Variants in DPF3 observed in about 807,000 individuals in gnomAD.
The protein encoded by DPF3 is double PHD fingers 3.
In DPF3, 18 loss-of-function variants were observed where a neutral mutation model predicts 56.8. The observed-to-expected ratio is 0.32, with a 90% CI of 0.22 to 0.47. The LOEUF is 0.47. Among genes scored for constraint, DPF3 ranks in the 20% least tolerant of loss-of-function variants. The probability of loss-of-function intolerance (pLI) is 1.00; values close to 1 mark genes in which losing one functional copy is unlikely to be tolerated. For synonymous variants in DPF3, 188 were observed against 180.2 expected (o/e 1.04, Z -0.35); for missense variants, 403 against 488.8 (o/e 0.82, Z 1.65).
Position 72,771,878 on chromosome 14 carries a change from G to C in DPF3, c.48C>G (p.Phe16Leu), listed in dbSNP as rs768636105. 25 of 1,596,760 alleles carry C rather than the reference G, an allele frequency of 1.6e-5. No homozygotes were observed. Among genetic ancestry groups the C allele is most frequent in the Non-Finnish European group, 1.9e-5 (22 of 1,171,474 alleles). Residue 16 changes from phenylalanine (F) to leucine (L), a missense_variant, in exon 2 of 11, where the codon TTC becomes TTG. Around this residue, in one of 2 missense-constraint regions of DPF3, gnomAD observed 340 missense variants for 374.3 expected, o/e 0.91. Transcript: ENST00000556509. Reference protein sequence around the residue: ...HNPLKALGDQFYKEAIEHCRS... With the variant: ...HNPLKALGDQLYKEAIEHCRS... ...GGCAGTGCTCAATGGCTTCCTTGTA[G>C]AACTGGTCCCCGAGCCTGCCAGAGT... is the stretch of plus-strand genomic sequence containing the variant.
At chr14:72,880,440 C>A (rs1886282510) in intron 1 of DPF3, among the ~76,000 whole-genome samples, 1 of 152,236 alleles carries the variant, frequency 6.6e-6, no homozygotes, top group African/African-American at 2.4e-5. Context: ...ATTTTGTGGA[C>A]AAGCTAGTTC....
In DPF3 at chr14:72,751,342, T is replaced by C. The variant is rs1890565492; in HGVS notation, c.301+1922A>G. Among the ~76,000 whole-genome samples, 3 of 152,398 alleles carry C rather than the reference T, an allele frequency of 2.0e-5. No individual in the cohort carries two copies. The South Asian group carries it at 6.2e-4, about 32-fold the overall frequency. On this transcript the variant is annotated intron_variant, in intron 3 of 10. Transcript: ENST00000556509. ...ATGTCAGGGTGACATGTAGCCTAGC[T>C]ACCTGTAAGTCTTCGAGACCAGCAT...
intron 2 of DPF3, among the ~76,000 whole-genome samples, chr14:72,756,897 G>GAAA (rs374268972): frequency 2.2e-5 from 1 of 45,298 alleles, no homozygotes; most frequent in Non-Finnish European, 3.8e-5. Flanking sequence ...AAGAAAGAAA[G>GAAA]AAAAGAAAAA....
chr14:72,742,343 C>T (rs1223995082), intron 3 of DPF3: 2 of 152,296 alleles, frequency 1.3e-5, no homozygotes, highest in Non-Finnish European at 2.9e-5. Flanking sequence ...TAAGCACTGA[C>T]AGATGGGGGT....
chr14:72,674,045 G>T, intron 8 of DPF3, 195 bp downstream of exon 8: 1 of 780,224 alleles, frequency 1.3e-6, no homozygotes, highest in Non-Finnish European at 1.9e-6. Context: ...CTTTCCCCCG[G>T]ATCCTAGGGC....
At chr14:72,640,046 T>TAAAAAAAAAAAAAAAAAAAAAAAAAAAAA (rs370070354) in intron 8 of DPF3, among the ~76,000 whole-genome samples, 9 of 45,268 alleles carry the variant, frequency 2.0e-4, no homozygotes, top group Admixed American at 3.6e-4. Flanking sequence ...GTTTTCTAAG[T>TAAAAAAAAAAAAAAAAAAAAAAAAAAAAA]AAAAAAAAAA....
chr14:72,682,920 G>A (rs935995379), intron 7 of DPF3, among the ~76,000 whole-genome samples: 1 of 152,224 alleles, frequency 6.6e-6, no homozygotes, highest in African/African-American at 2.4e-5. Flanking sequence ...CCAGTTACCT[G>A]GCTCAGTGCA....
In DPF3 at chr14:72,615,337, C is replaced by A. The variant is rs931646761; in HGVS notation, c.*3960G>T. Reference sequence around the variant, plus strand: ...GAGGTTGCCAGCAACCTTTCTTCAGCGGCATAAAAGAGCACAGGTCTCCTC... The same window carrying A: ...GAGGTTGCCAGCAACCTTTCTTCAGAGGCATAAAAGAGCACAGGTCTCCTC... On this transcript the variant is annotated 3_prime_UTR_variant, in exon 11 of 11. Transcript: ENST00000556509. Among the ~76,000 whole-genome samples the A allele has an allele frequency of 6.6e-6, 1 of 152,116 alleles. No individual in the cohort carries two copies.
At chr14:72,670,889 A>G (rs1886641366) in intron 8 of DPF3, 2 of 1,238,000 alleles carry the variant, frequency 1.6e-6, no homozygotes, top group Non-Finnish European at 1.0e-6. Context: ...TCACGATGCC[A>G]TCTCTCGGAA....
At chr14:72,716,797 C>T (rs1350069448) in intron 5 of DPF3, among the ~76,000 whole-genome samples, 2 of 152,188 alleles carry the variant, frequency 1.3e-5, no homozygotes, top group East Asian at 3.9e-4. Context: ...AATGTTATTG[C>T]TTCTTCCTCC....
intron 7 of DPF3, among the ~76,000 whole-genome samples, chr14:72,679,030 G>A (rs1466894611): frequency 6.6e-6 from 1 of 152,168 alleles, no homozygotes; most frequent in East Asian, 1.9e-4. Context: ...CCATCACCAC[G>A]CTCAGGGAAG....
At chr14:72,643,646 T>C (rs1408006849) in intron 8 of DPF3, among the ~76,000 whole-genome samples, 1 of 152,222 alleles carries the variant, frequency 6.6e-6, no homozygotes, top group Non-Finnish European at 1.5e-5. Flanking sequence ...CCAGGCCAGC[T>C]ATTCCCACTT....
intron 8 of DPF3, among the ~76,000 whole-genome samples, chr14:72,642,841 G>C (rs985246006): frequency 2.0e-5 from 3 of 152,228 alleles, no homozygotes; most frequent in Non-Finnish European, 4.4e-5. Context: ...AAGCCAAACT[G>C]ATATGAGCAG....
intron 1 of DPF3, among the ~76,000 whole-genome samples, chr14:72,875,340 G>A (rs1042439513): frequency 6.6e-5 from 10 of 152,158 alleles, no homozygotes; most frequent in African/African-American, 1.2e-4. Context: ...CTGGGAGGTC[G>A]AGGCTGCAGT....
In DPF3 at chr14:72,756,879, A is replaced by AGG. The variant is rs1305820604; in HGVS notation, c.194-3509_194-3508insCC. ...AAGAAAGAAAGAAAGAAAGGAAGGA[A>AGG]AGAAGGAAAGAAAGAAAGAAAAGAA... is the stretch of plus-strand genomic sequence containing the variant. On this transcript the variant is annotated intron_variant, in intron 2 of 10. Transcript: ENST00000556509. 1.5e-3 allele frequency among the ~76,000 whole-genome samples: 204 copies of AGG among 137,204 alleles called. 1 individual carries two copies. The highest frequency in any genetic ancestry group is 5.7e-3 in the African/African-American group (192 of 33,588). The allele number at this position is 137,204 out of a possible 152,430, so 90.0% of individuals were successfully genotyped here.
At chr14:72,763,895 A>G (rs570861118) in intron 2 of DPF3, among the ~76,000 whole-genome samples, 1 of 152,376 alleles carries the variant, frequency 6.6e-6, no homozygotes, top group African/African-American at 2.4e-5. Flanking sequence ...TAATAAGCAA[A>G]TAGCTCAATT....
intron 3 of DPF3, among the ~76,000 whole-genome samples, chr14:72,744,200 C>T (rs868013935): frequency 3.5e-4 from 53 of 152,326 alleles, no homozygotes; most frequent in African/African-American, 1.2e-3. Flanking sequence ...GGGGTGAGGA[C>T]AGCAGGACTG....
intron 5 of DPF3, among the ~76,000 whole-genome samples, chr14:72,722,130 T>A (rs1889199916): frequency 6.6e-6 from 1 of 152,192 alleles, no homozygotes; most frequent in Non-Finnish European, 1.5e-5. Flanking sequence ...AGACACACAC[T>A]GAGATATGTG....
chr14:72,805,718 C>T (rs1436537860), intron 1 of DPF3, among the ~76,000 whole-genome samples: 5 of 152,044 alleles, frequency 3.3e-5, no homozygotes, highest in African/African-American at 4.8e-5. Flanking sequence ...TTGTAATGGG[C>T]GCCTGTAATC....
Sources: gnomAD v4.1 joint callset for allele counts (sites outside exome capture counted in the v4.1 genomes callset) on GRCh38, gnomAD v4.1.1 for gene constraint, gnomAD v4.1.1 regional missense constraint, MANE v1.5 for transcripts, NCBI Gene and HGNC (gene_info 2026-07-23, HGNC 2026-07-21) for gene names.